The following CHSY3 variants were observed in gnomAD, a reference collection of about 807,000 sequenced individuals.
CHSY3 encodes chondroitin sulfate synthase 3, also known as N-acetylgalactosaminyl-proteoglycan 3-beta-glucuronosyltransferase 3.
In CHSY3, 35 loss-of-function variants were observed where a neutral mutation model predicts 67.2. The observed-to-expected ratio is 0.52, with a 90% CI of 0.40 to 0.69. The LOEUF (loss-of-function observed/expected upper bound fraction) is 0.69, where lower values mean the gene tolerates loss of function less well. CHSY3 is among the 30% of genes least tolerant of loss of function. The probability of loss-of-function intolerance (pLI) is 0.00; values close to 1 mark genes in which losing one functional copy is unlikely to be tolerated. For missense variants in CHSY3, 1,069 were observed against 1,138.5 expected (o/e 0.94, Z 0.88); for synonymous variants, 474 against 434.7 (o/e 1.09, Z -1.12).
chr5:130,180,251 C>G (rs1169119580), intron 2 of CHSY3, among the ~76,000 whole-genome samples: 2 of 152,124 alleles, frequency 1.3e-5, no homozygotes, highest in Non-Finnish European at 2.9e-5. Context: ...ATTTTGGTGA[C>G]TAAAGGTATT....
intron 2 of CHSY3, among the ~76,000 whole-genome samples, chr5:130,040,731 A>C (rs1034004778): frequency 1.3e-5 from 2 of 152,106 alleles, no homozygotes; most frequent in African/African-American, 4.8e-5. Flanking sequence ...TATGTCAAAC[A>C]CCTAAATGAA....
intron 2 of CHSY3, among the ~76,000 whole-genome samples, chr5:130,110,394 C>T (rs1293256223): frequency 6.6e-6 from 1 of 151,936 alleles, no homozygotes; most frequent in Non-Finnish European, 1.5e-5. Context: ...CTGTCATGTT[C>T]ATAATAACAC....
At chr5:130,010,942 G>A (rs565285224) in intron 2 of CHSY3, among the ~76,000 whole-genome samples, 28 of 27,128 alleles carry the variant, frequency 1.0e-3, no homozygotes, top group Middle Eastern at 0.022. Flanking sequence ...ATTAAAACCC[G>A]AAAAGACCAA....
Position 130,039,289 on chromosome 5 carries a change from C to A in CHSY3, c.1086+130929C>A, listed in dbSNP as rs575451314. On this transcript the variant is annotated intron_variant, in intron 2 of 2. Coordinates refer to ENST00000305031, the MANE Select transcript of CHSY3 (RefSeq NM_175856.5). ...ATTGCTTGAATCCAGGATTTTAAGA[C>A]CAGCCTGGACAAAATAGGGAGAACC... Among the ~76,000 whole-genome samples, 3 of 152,080 alleles carry A rather than the reference C, an allele frequency of 2.0e-5. No homozygotes were observed. In the East Asian group the frequency reaches 5.8e-4, roughly 30 times the overall value.
intron 2 of CHSY3, among the ~76,000 whole-genome samples, chr5:129,989,262 C>CA (rs1554074958): frequency 1.4e-4 from 20 of 138,312 alleles, no homozygotes; most frequent in Non-Finnish European, 2.6e-4. Context: ...CAAACTTGTT[C>CA]TTTTTTTTTT....
chr5:130,041,248 T>C (rs538179386), intron 2 of CHSY3, among the ~76,000 whole-genome samples: 2 of 152,228 alleles, frequency 1.3e-5, no homozygotes, highest in Admixed American at 6.6e-5. Context: ...TAAACTCTGC[T>C]GTGCAATTGG....
chr5:130,138,840 T>C (rs190481323), intron 2 of CHSY3, among the ~76,000 whole-genome samples: 249 of 152,308 alleles, frequency 1.6e-3, no homozygotes, highest in Non-Finnish European at 3.0e-3. Flanking sequence ...AGTAGAGCAA[T>C]GATGAGACTA....
chr5:129,946,473 A>G (rs1461835391), intron 2 of CHSY3, among the ~76,000 whole-genome samples: 5 of 152,212 alleles, frequency 3.3e-5, no homozygotes, highest in African/African-American at 7.2e-5. Context: ...TTGTATAAGT[A>G]TTCATAGATA....
At chr5:129,917,692 A>G (rs999571980) in intron 2 of CHSY3, among the ~76,000 whole-genome samples, 7 of 152,174 alleles carry the variant, frequency 4.6e-5, no homozygotes, top group Non-Finnish European at 8.8e-5. Context: ...TGTTGATTGG[A>G]TAGGTTTTCA....
At chr5:130,174,518 A>G (rs1769987105) in intron 2 of CHSY3, among the ~76,000 whole-genome samples, 1 of 152,128 alleles carries the variant, frequency 6.6e-6, no homozygotes, top group South Asian at 2.1e-4. Flanking sequence ...AATGATAGCT[A>G]TTGTAAACAT....
At chr5:129,993,293 A>G (rs993414669) in intron 2 of CHSY3, among the ~76,000 whole-genome samples, 8 of 152,100 alleles carry the variant, frequency 5.3e-5, no homozygotes, top group African/African-American at 1.7e-4. Context: ...TGATCTGTTT[A>G]ATGTTGACAG....
At chr5:130,090,592 C>T (rs1172076484) in intron 2 of CHSY3, among the ~76,000 whole-genome samples, 2 of 152,174 alleles carry the variant, frequency 1.3e-5, no homozygotes, top group African/African-American at 4.8e-5. Flanking sequence ...AACATTTTTA[C>T]CTGTGAGCAC....
chr5:129,968,731 G>C (rs1014413338), intron 2 of CHSY3, among the ~76,000 whole-genome samples: 2 of 151,830 alleles, frequency 1.3e-5, no homozygotes, highest in African/African-American at 4.8e-5. Flanking sequence ...ACTGTTACAA[G>C]ATCTCCCAGC....
In CHSY3 at chr5:130,161,150, C is replaced by T. The variant is rs1468378835; in HGVS notation, c.1087-23079C>T. Reference sequence around the variant, plus strand: ...CGATCTCCTGACCTCATGATCCACCCGCCTCTGCTTCCTAAAGTGCTGGGA... The same window carrying T: ...CGATCTCCTGACCTCATGATCCACCTGCCTCTGCTTCCTAAAGTGCTGGGA... On this transcript the variant is annotated intron_variant, in intron 2 of 2. Transcript: ENST00000305031. Among the ~76,000 whole-genome samples the T allele has an allele frequency of 2.7e-4, 41 of 152,128 alleles. 1 individual carries two copies. Among genetic ancestry groups the T allele is most frequent in the South Asian group, 2.1e-4 (1 of 4,824 alleles).
chr5:130,182,971 T>C (rs1294034488), intron 2 of CHSY3, among the ~76,000 whole-genome samples: 1 of 151,952 alleles, frequency 6.6e-6, no homozygotes, highest in East Asian at 1.9e-4. Context: ...AAGAGGCTGT[T>C]TTTTTAAATT....
intron 2 of CHSY3, among the ~76,000 whole-genome samples, chr5:130,032,252 G>A (rs368913897): frequency 6.6e-6 from 1 of 152,072 alleles, no homozygotes; most frequent in Non-Finnish European, 1.5e-5. Flanking sequence ...ATAGATGTGA[G>A]ATATCCTTGA....
intron 2 of CHSY3, among the ~76,000 whole-genome samples, chr5:129,967,101 A>T (rs1184631676): frequency 6.6e-6 from 1 of 151,804 alleles, no homozygotes; most frequent in African/African-American, 2.4e-5. Flanking sequence ...TAACATCAGA[A>T]TTCACTCCTT....
At chr5:130,141,425 C>A in intron 2 of CHSY3, 2 of 365,132 alleles carry the variant, frequency 5.5e-6, no homozygotes, top group East Asian at 6.6e-5. Flanking sequence ...TCCTGCATCC[C>A]ATGGTGTTCC....
In CHSY3 at chr5:129,959,714, A is replaced by T. The variant is rs376535100; in HGVS notation, c.1086+51354A>T. Among the ~76,000 whole-genome samples, 3 of 152,266 alleles carry T rather than the reference A, an allele frequency of 2.0e-5. No individual in the cohort carries two copies. The East Asian group carries it at 5.8e-4, about 29-fold the overall frequency. Reference sequence around the variant, plus strand: ...TTATTTGCATTAAGATTTCTATGTCATCAGCATAGGAAAGATGCTGAGAGC... The same window carrying T: ...TTATTTGCATTAAGATTTCTATGTCTTCAGCATAGGAAAGATGCTGAGAGC... On this transcript the variant is annotated intron_variant, in intron 2 of 2. Coordinates refer to ENST00000305031, the MANE Select transcript of CHSY3 (RefSeq NM_175856.5).
Sources: allele counts gnomAD v4.1 joint callset (sites outside exome capture counted in the v4.1 genomes callset), GRCh38; gene constraint gnomAD v4.1.1; transcripts MANE v1.5; gene names NCBI Gene and HGNC (gene_info 2026-07-23, HGNC 2026-07-21).